MAML3: variants seen among roughly 807,000 people sequenced by gnomAD.
MAML3 encodes the protein mastermind like transcriptional coactivator 3, also known as mastermind-like protein 3.
Under a neutral mutation model 101.9 loss-of-function variants are expected in MAML3, and 27 were observed. That is an observed-to-expected ratio of 0.27 (90% CI 0.20 to 0.37). MAML3 has a LOEUF of 0.37. Ranked by LOEUF, MAML3 falls within the 10% of genes least tolerant of loss-of-function variation. The probability of loss-of-function intolerance (pLI) is 1.00; values close to 1 mark genes in which losing one functional copy is unlikely to be tolerated. For synonymous variants in MAML3, 501 were observed against 555.9 expected (o/e 0.90, Z 1.39); for missense variants, 1,316 against 1,444.9 (o/e 0.91, Z 1.45).
intron 1 of MAML3, among the ~76,000 whole-genome samples, chr4:140,025,001 C>G (rs973417836): frequency 6.6e-6 from 1 of 152,192 alleles, no homozygotes; most frequent in East Asian, 1.9e-4. Context: ...TAAGAGTACT[C>G]GATGGCTATG....
At chr4:140,066,020 G>A (rs1305750603) in intron 1 of MAML3, among the ~76,000 whole-genome samples, 2 of 152,154 alleles carry the variant, frequency 1.3e-5, no homozygotes, top group Non-Finnish European at 2.9e-5. Context: ...TGCAACTGGT[G>A]TGCACACTGT....
intron 2 of MAML3, among the ~76,000 whole-genome samples, chr4:139,787,603 A>G (rs967568391): frequency 1.1e-4 from 16 of 152,182 alleles, no homozygotes; most frequent in African/African-American, 3.1e-4. Flanking sequence ...AATGTTTTAT[A>G]TGTTATCTTA....
intron 2 of MAML3, among the ~76,000 whole-genome samples, chr4:139,788,407 T>C (rs533767176): frequency 5.9e-5 from 9 of 152,316 alleles, no homozygotes; most frequent in African/African-American, 1.9e-4. Flanking sequence ...TGATTTCTTA[T>C]CTTAGATACC....
chr4:139,926,981 T>C (rs555620407), intron 1 of MAML3, among the ~76,000 whole-genome samples: 1 of 152,362 alleles, frequency 6.6e-6, no homozygotes, highest in South Asian at 2.1e-4. Flanking sequence ...CTTGCCTTTC[T>C]TGGCCTTGAC....
At chr4:139,768,219 TA>T (rs1402207644) in intron 2 of MAML3, among the ~76,000 whole-genome samples, 14 of 138,554 alleles carry the variant, frequency 1.0e-4, no homozygotes, top group Admixed American at 7.9e-4. Flanking sequence ...ACTCTGTTGA[TA>T]GTTGTGTGTG....
At chr4:140,001,300 A>G (rs925027180) in intron 1 of MAML3, among the ~76,000 whole-genome samples, 3 of 152,216 alleles carry the variant, frequency 2.0e-5, no homozygotes, top group Admixed American at 1.3e-4. Context: ...GAAGGCTCCA[A>G]ATTGCTTTCT....
At chr4:140,076,908 G>A (rs1727777166) in intron 1 of MAML3, among the ~76,000 whole-genome samples, 1 of 151,818 alleles carries the variant, frequency 6.6e-6, no homozygotes, top group Admixed American at 6.6e-5. Context: ...CTGTTGTTTT[G>A]AAACGGAGTC....
intron 2 of MAML3, among the ~76,000 whole-genome samples, chr4:139,839,042 T>C (rs1458578991): frequency 6.6e-6 from 1 of 152,204 alleles, no homozygotes; most frequent in Non-Finnish European, 1.5e-5. Flanking sequence ...AGCCAAATCC[T>C]CAGTCAAGCT....
chr4:140,082,231 G>C (rs1378592300), intron 1 of MAML3, among the ~76,000 whole-genome samples: 1 of 152,242 alleles, frequency 6.6e-6, no homozygotes, highest in Non-Finnish European at 1.5e-5. Flanking sequence ...GCACACTGCT[G>C]TTCACCACTA....
At chr4:139,830,452 TC>T (rs1186490354) in intron 2 of MAML3, among the ~76,000 whole-genome samples, 4 of 145,122 alleles carry the variant, frequency 2.8e-5, no homozygotes, top group Admixed American at 2.7e-4. Context: ...TCTCGCTCCG[TC>T]ACCCAGGCTG....
At chr4:140,033,919 C>T (rs1726945524) in intron 1 of MAML3, among the ~76,000 whole-genome samples, 1 of 152,106 alleles carries the variant, frequency 6.6e-6, no homozygotes, top group African/African-American at 2.4e-5. Flanking sequence ...AAAGAATGTG[C>T]CCACCTTTGG....
chr4:140,067,852 G>A (rs1170451589), intron 1 of MAML3, among the ~76,000 whole-genome samples: 1 of 150,930 alleles, frequency 6.6e-6, no homozygotes, highest in Non-Finnish European at 1.5e-5. Context: ...TCCTGCCTCA[G>A]CTTCCCAAGT....
At position 139,789,782 on chromosome 4, in the gene MAML3, G is replaced by C. The variant is rs188781099; in HGVS notation, c.2080-59115C>G. Among the ~76,000 whole-genome samples, 830 of 152,148 alleles carry C rather than the reference G, an allele frequency of 5.5e-3. 38 individuals are homozygous for C. The highest frequency in any genetic ancestry group is 0.05 in the Admixed American group (757 of 15,286). ...TTCAAAAGTTGTTTTTTGTTTGTTT[G>C]TTTTTGTTTTTCCAACCTCAACTAT... On this transcript the variant is annotated intron_variant, in intron 2 of 4. Coordinates refer to ENST00000509479, the MANE Select transcript of MAML3 (RefSeq NM_018717.5).
intron 4 of MAML3, 88 bp from the exon 5 acceptor site, chr4:139,720,411 C>T: frequency 8.1e-7 from 1 of 1,230,632 alleles, no homozygotes; most frequent in Non-Finnish European, 1.1e-6. Flanking sequence ...TTGGGAATGA[C>T]AAAATTCCTT....
At chr4:140,142,723 A>AC (rs1480380652) in intron 1 of MAML3, among the ~76,000 whole-genome samples, 1 of 151,990 alleles carries the variant, frequency 6.6e-6, no homozygotes, top group Non-Finnish European at 1.5e-5. Context: ...CAATCCTGTC[A>AC]CCCCCTAAAT....
chr4:139,795,806 A>C (rs1298704872), intron 2 of MAML3, among the ~76,000 whole-genome samples: 1 of 152,186 alleles, frequency 6.6e-6, no homozygotes, highest in Non-Finnish European at 1.5e-5. Flanking sequence ...GGAGATGTAA[A>C]ACCCTTCTGG....
intron 1 of MAML3, among the ~76,000 whole-genome samples, chr4:139,894,629 A>T (rs1732571035): frequency 6.6e-6 from 1 of 152,208 alleles, no homozygotes; most frequent in East Asian, 1.9e-4. Context: ...CCTAAATCTT[A>T]TATTTTTACA....
At chr4:140,032,313 A>C (rs1275514239) in intron 1 of MAML3, among the ~76,000 whole-genome samples, 3 of 152,220 alleles carry the variant, frequency 2.0e-5, no homozygotes, top group African/African-American at 7.2e-5. Context: ...GCAAAATTGA[A>C]AGTGGCTGCT....
intron 1 of MAML3, among the ~76,000 whole-genome samples, chr4:140,098,943 A>T (rs1728204562): frequency 6.6e-6 from 1 of 151,410 alleles, no homozygotes; most frequent in Non-Finnish European, 1.5e-5. Context: ...TGTTTCTCTG[A>T]CTCATTTTTA....
Sources: gnomAD v4.1 joint callset for allele counts (sites outside exome capture counted in the v4.1 genomes callset) on GRCh38, gnomAD v4.1.1 for gene constraint, MANE v1.5 for transcripts, NCBI Gene and HGNC (gene_info 2026-07-23, HGNC 2026-07-21) for gene names.